Variants in CUL2 observed in about 807,000 individuals in gnomAD.
CUL2 encodes the protein cullin-2.
CUL2 carries 22 observed loss-of-function variants against 110.2 expected under a neutral mutation model. That is an observed-to-expected ratio of 0.20 (90% CI 0.14 to 0.28). The LOEUF (loss-of-function observed/expected upper bound fraction) is 0.28. Among genes scored for constraint, CUL2 ranks in the 10% least tolerant of loss-of-function variants. The pLI, the probability that CUL2 is intolerant of heterozygous loss-of-function variation, is 1.00. For missense variants in CUL2, 631 were observed against 905.5 expected (o/e 0.70, Z 3.89); for synonymous variants, 279 against 293.2 (o/e 0.95, Z 0.49).
chr10:35,083,250 G>C (rs2086984814), intron 1 of CUL2, among the ~76,000 whole-genome samples: 1 of 152,032 alleles, frequency 6.6e-6, no homozygotes, highest in African/African-American at 2.4e-5. Context: ...GGAAAGGCAA[G>C]CATTAATCCT....
Position 35,009,443 on chromosome 10 carries a change from C to G in CUL2, c.*868G>C, listed in dbSNP as rs2084846150. 6.6e-6 allele frequency: 1 copy of G among 151,692 alleles called. No homozygotes were observed. Among genetic ancestry groups the G allele is most frequent in the Admixed American group, 6.6e-5 (1 of 15,204 alleles). The allele number at this position is 151,692 out of a possible 1,614,324, so 9.4% of individuals were successfully genotyped here. A position where few individuals can be genotyped will look rare whatever the true frequency, so the allele number is the denominator to read the frequency against. ...TAGATTTCCTAAGACTCAGGGAAGG[C>G]CACAGAGCTAGGGTACTAGTCTATG... On this transcript the variant is annotated 3_prime_UTR_variant, in exon 21 of 21. Transcript: ENST00000374749.
Position 35,086,568 on chromosome 10 carries a change from T to C in CUL2, c.-23+3611A>G, listed in dbSNP as rs1393730828. On this transcript the variant is annotated intron_variant, in intron 1 of 20. Transcript: ENST00000374749. ...TCCCAAAGTGCTGGGATTACAGGCC[T>C]GAGCCACCGTACGTGGCCGGAAACA... Among the ~76,000 whole-genome samples, 4 of 152,032 alleles carry C rather than the reference T, an allele frequency of 2.6e-5. No individual in the cohort carries two copies. In the East Asian group the frequency reaches 7.7e-4, roughly 29 times the overall value.
At chr10:35,111,663 G>A (rs1475672527) in intron 1 of CUL2, among the ~76,000 whole-genome samples, 1 of 152,158 alleles carries the variant, frequency 6.6e-6, no homozygotes, top group African/African-American at 2.4e-5. Flanking sequence ...CGAGACGGGT[G>A]GATCACTTGA....
At chr10:35,044,404 G>A (rs1374238132) in intron 8 of CUL2, among the ~76,000 whole-genome samples, 162 bp downstream of exon 8, 1 of 151,962 alleles carries the variant, frequency 6.6e-6, no homozygotes, top group Admixed American at 6.6e-5. Context: ...CTTATCAATC[G>A]ATATTATATA....
chr10:35,074,325 T>C, intron 1 of CUL2: 2 of 768,420 alleles, frequency 2.6e-6, no homozygotes, highest in Middle Eastern at 4.4e-4. Flanking sequence ...TACTCCCTAC[T>C]GTGACATCAT....
intron 1 of CUL2, chr10:35,118,442 G>C (rs2087634659): frequency 6.6e-6 from 1 of 152,072 alleles, no homozygotes. Flanking sequence ...TGAGTGAACT[G>C]TCCAGCTATA....
intron 20 of CUL2, among the ~76,000 whole-genome samples, chr10:35,010,936 C>G (rs542997857): frequency 2.5e-4 from 38 of 152,304 alleles, no homozygotes; most frequent in African/African-American, 8.7e-4. Context: ...GCCCAGCTGT[C>G]TATCACATGG....
At chr10:35,035,331 A>C (rs752266272) in intron 9 of CUL2, 35 bp from the exon 10 acceptor site, 2 of 1,607,736 alleles carry the variant, frequency 1.2e-6, no homozygotes, top group Non-Finnish European at 1.7e-6. Flanking sequence ...GTTAACTCCC[A>C]AATATTTTCA....
chr10:35,029,726 G>T, intron 14 of CUL2, 86 bp from the exon 15 acceptor site: 2 of 1,018,118 alleles, frequency 2.0e-6, no homozygotes, highest in Non-Finnish European at 2.8e-6. Context: ...GTATTGCTAG[G>T]TCTTTGATCA....
chr10:35,103,883 T>G (rs1032578690), intron 1 of CUL2, among the ~76,000 whole-genome samples: 1 of 151,800 alleles, frequency 6.6e-6, no homozygotes, highest in East Asian at 1.9e-4. Flanking sequence ...CAATAAAATG[T>G]AACCTCTCCA....
intron 1 of CUL2, among the ~76,000 whole-genome samples, chr10:35,113,311 C>T (rs1391439584): frequency 6.7e-6 from 1 of 149,866 alleles, no homozygotes; most frequent in African/African-American, 2.5e-5. Context: ...GCCTGGCCAA[C>T]ATGGTGAAAT....
chr10:35,082,773 A>G lies in CUL2; in HGVS notation c.-23+7406T>C, dbSNP rs2086974030. On this transcript the variant is annotated intron_variant, in intron 1 of 20. Coordinates refer to ENST00000374749, the MANE Select transcript of CUL2 (RefSeq NM_003591.4). ...AATAAAAGAGAAATATCTTGAGATA[A>G]AATTTTTCTGAAGGCTCAGGACTAC... Among the ~76,000 whole-genome samples, 5 of 152,234 alleles carry G rather than the reference A, an allele frequency of 3.3e-5. No homozygotes were observed. The South Asian group carries it at 1.0e-3, about 31-fold the overall frequency.
chr10:35,064,076 G>A (rs1312805699), intron 2 of CUL2: 1 of 152,108 alleles, frequency 6.6e-6, no homozygotes, highest in Non-Finnish European at 1.5e-5. Flanking sequence ...TTATCAGTAC[G>A]ATGACCACCA....
chr10:35,055,199 A>C (rs1445283501), intron 4 of CUL2, among the ~76,000 whole-genome samples: 1 of 152,252 alleles, frequency 6.6e-6, no homozygotes, highest in African/African-American at 2.4e-5. Context: ...TTAGGATTCC[A>C]GATTTCACTA....
At chr10:35,044,702 A>G (rs1220759547) in intron 7 of CUL2, 26 bp from the exon 8 acceptor site, 5 of 1,578,274 alleles carry the variant, frequency 3.2e-6, no homozygotes. Context: ...ACATCATATT[A>G]GAAGAAATTA....
intron 1 of CUL2, among the ~76,000 whole-genome samples, chr10:35,123,819 G>T (rs1180130982): frequency 6.6e-6 from 1 of 152,206 alleles, no homozygotes; most frequent in Non-Finnish European, 1.5e-5. Flanking sequence ...ATGTGACCTG[G>T]TGCTAATGAA....
chr10:35,064,824 T>C (rs1230699761), intron 2 of CUL2, among the ~76,000 whole-genome samples: 2 of 152,148 alleles, frequency 1.3e-5, no homozygotes, highest in African/African-American at 4.8e-5. Context: ...ATTACAGGTA[T>C]GAGCCACCGC....
At chr10:35,071,718 T>C in intron 1 of CUL2, among the ~76,000 whole-genome samples, 1 of 152,178 alleles carries the variant, frequency 6.6e-6, no homozygotes, top group East Asian at 1.9e-4. Context: ...AGTTATTTGT[T>C]TTTAAAGCAC....
chr10:35,066,269 AT>A (rs1258271092), intron 2 of CUL2, among the ~76,000 whole-genome samples: 6 of 152,126 alleles, frequency 3.9e-5, no homozygotes, highest in African/African-American at 7.2e-5. Flanking sequence ...ATTAAAAAAA[AT>A]ATATAATAAA....
Sources: gnomAD v4.1 joint callset for allele counts (sites outside exome capture counted in the v4.1 genomes callset) on GRCh38, gnomAD v4.1.1 for gene constraint, MANE v1.5 for transcripts, NCBI Gene and HGNC (gene_info 2026-07-23, HGNC 2026-07-21) for gene names.